Variants in SUMF1 observed in about 807,000 individuals in gnomAD.
SUMF1 encodes sulfatase modifying factor 1, also known as formylglycine-generating enzyme.
Under a neutral mutation model 47.6 loss-of-function variants are expected in SUMF1, and 48 were observed. That is an observed-to-expected ratio of 1.01 (90% CI 0.80 to 1.28). The LOEUF (loss-of-function observed/expected upper bound fraction) is 1.28, where lower values mean the gene tolerates loss of function less well. Among genes scored for constraint, SUMF1 ranks in the 50% most tolerant of loss-of-function variants. SUMF1 has a pLI of 0.00. For missense variants in SUMF1, 571 were observed against 485.4 expected, an observed-to-expected ratio of 1.18 and a Z score of -1.66; for synonymous variants, 230 against 192.1, an observed-to-expected ratio of 1.20 and a Z score of -1.63.
chr3:4,428,192 T>A (rs1486953852), intron 3 of SUMF1, among the ~76,000 whole-genome samples: 6 of 152,202 alleles, frequency 3.9e-5, no homozygotes, highest in Non-Finnish European at 8.8e-5. Context: ...AAAAGCCAGT[T>A]ACAAAAATGT....
At chr3:4,371,815 T>A (rs942809419) in intron 8 of SUMF1, among the ~76,000 whole-genome samples, 1 of 152,138 alleles carries the variant, frequency 6.6e-6, no homozygotes, top group Admixed American at 6.5e-5. Flanking sequence ...GGCACACAGA[T>A]GTTAATAGTG....
At chr3:4,160,228 G>A (rs563866526) in intron 8 of SUMF1, among the ~76,000 whole-genome samples, 2 of 151,710 alleles carry the variant, frequency 1.3e-5, no homozygotes, top group South Asian at 2.1e-4. Context: ...AGATTTTATA[G>A]GCATGCTCTA....
At chr3:4,326,362 G>C (rs567586873) in intron 8 of SUMF1, among the ~76,000 whole-genome samples, 12 of 152,064 alleles carry the variant, frequency 7.9e-5, no homozygotes, top group Non-Finnish European at 1.6e-4. Flanking sequence ...CCAAGAATTT[G>C]TCTGTGCCTG....
At chr3:4,309,142 G>C (rs1698306504) in intron 8 of SUMF1, among the ~76,000 whole-genome samples, 1 of 152,192 alleles carries the variant, frequency 6.6e-6, no homozygotes, top group Non-Finnish European at 1.5e-5. Context: ...AAAGGGTTGT[G>C]GAGACCAGGG....
At chr3:4,272,822 C>A (rs1339410894) in intron 8 of SUMF1, among the ~76,000 whole-genome samples, 2 of 151,826 alleles carry the variant, frequency 1.3e-5, no homozygotes, top group Non-Finnish European at 2.9e-5. Flanking sequence ...ACTTGTAATC[C>A]CAGCACTGTG....
chr3:4,423,110 G>T (rs991324490), intron 3 of SUMF1, among the ~76,000 whole-genome samples: 1 of 152,146 alleles, frequency 6.6e-6, no homozygotes, highest in African/African-American at 2.4e-5. Context: ...ACTAAAAGTA[G>T]AACTACCACT....
intron 7 of SUMF1, among the ~76,000 whole-genome samples, chr3:4,395,426 T>C (rs910214649): frequency 3.9e-5 from 6 of 152,334 alleles, no homozygotes; most frequent in Non-Finnish European, 8.8e-5. Context: ...TTTAATTTTA[T>C]TTATCTCTGG....
At chr3:4,170,889 G>A (rs911536631) in intron 8 of SUMF1, among the ~76,000 whole-genome samples, 2 of 152,108 alleles carry the variant, frequency 1.3e-5, no homozygotes, top group African/African-American at 4.8e-5. Context: ...AAACCCAGAA[G>A]CAGATGAAGT....
intron 1 of SUMF1, among the ~76,000 whole-genome samples, chr3:4,465,581 G>A (rs2079923274): frequency 6.6e-6 from 1 of 151,930 alleles, no homozygotes; most frequent in Admixed American, 6.6e-5. Context: ...CACTAAAACA[G>A]TAATCAGGAG....
chr3:4,313,098 T>C (rs1426526420), intron 8 of SUMF1: 4 of 1,613,992 alleles, frequency 2.5e-6, no homozygotes, highest in South Asian at 1.1e-5. Context: ...TTGAATGCAA[T>C]GTCCTGTGCC....
chr3:4,450,788 G>C (rs143086365), intron 2 of SUMF1, among the ~76,000 whole-genome samples: 40 of 152,238 alleles, frequency 2.6e-4, no homozygotes, highest in Admixed American at 7.8e-4. Flanking sequence ...CCATGCAGAA[G>C]GGGGATAAGC....
At chr3:4,405,690 T>C (rs1467656443) in intron 7 of SUMF1, among the ~76,000 whole-genome samples, 3 of 152,082 alleles carry the variant, frequency 2.0e-5, no homozygotes, top group Non-Finnish European at 4.4e-5. Flanking sequence ...ACCCAGCATA[T>C]CCGAGGTCAA....
intron 9 of SUMF1, among the ~76,000 whole-genome samples, chr3:4,050,393 C>T (rs1024354275): frequency 1.3e-5 from 2 of 151,970 alleles, no homozygotes. Context: ...TTCTGGGTCT[C>T]AATGTCCTTA....
intron 8 of SUMF1, among the ~76,000 whole-genome samples, chr3:4,093,485 A>G (rs1009610022): frequency 1.3e-5 from 2 of 152,102 alleles, no homozygotes; most frequent in East Asian, 3.9e-4. Flanking sequence ...GAAGGAAAGG[A>G]GGAGGAAAAC....
intron 8 of SUMF1, among the ~76,000 whole-genome samples, chr3:4,085,564 G>A (rs1336893379): frequency 2.0e-5 from 3 of 152,010 alleles, no homozygotes; most frequent in Admixed American, 6.5e-5. Context: ...AGTCCCTTTT[G>A]TCACTCATAG....
rs1006929559 is a variant in SUMF1 at position 4,303,831 on chromosome 3, G to C, written c.1014+72499C>G. The C allele has an allele frequency of 9.6e-6, 13 of 1,356,624 alleles. No individual in the cohort carries two copies. In the Admixed American group the frequency reaches 1.8e-4, roughly 19 times the overall value. The allele number at this position is 1,356,624 out of a possible 1,614,324, so 84.0% of individuals were successfully genotyped here. On this transcript the variant is annotated intron_variant and NMD_transcript_variant, in intron 8 of 12. Coordinates refer to the SUMF1 transcript ENST00000448413. ...AGAACTCAAGGAGGCATCACGGGGG[G>C]AGTCATTTACCTCCCTGGTCTCAGG...
chr3:4,444,394 A>C (rs1462021960), intron 3 of SUMF1, among the ~76,000 whole-genome samples: 1 of 152,240 alleles, frequency 6.6e-6, no homozygotes, highest in African/African-American at 2.4e-5. Flanking sequence ...AGTCACTTGT[A>C]GAACTGAGAT....
At chr3:4,365,966 T>C (rs1699939824) in intron 8 of SUMF1, among the ~76,000 whole-genome samples, 1 of 152,090 alleles carries the variant, frequency 6.6e-6, no homozygotes, top group South Asian at 2.1e-4. Flanking sequence ...TATTTCTCCT[T>C]CACTTATGAA....
At chr3:4,197,702 A>T (rs1027646911) in intron 8 of SUMF1, among the ~76,000 whole-genome samples, 13 of 151,960 alleles carry the variant, frequency 8.6e-5, no homozygotes, top group African/African-American at 2.9e-4. Context: ...CCTATAAAAG[A>T]TACTCTATTG....
Sources: allele counts gnomAD v4.1 joint callset (sites outside exome capture counted in the v4.1 genomes callset), GRCh38; gene constraint gnomAD v4.1.1; transcripts MANE v1.5; gene names NCBI Gene and HGNC (gene_info 2026-07-23, HGNC 2026-07-21).